The following MACROD2 variants were observed in gnomAD, a reference collection of about 807,000 sequenced individuals.
MACROD2 encodes the protein mono-ADP ribosylhydrolase 2, also known as ADP-ribose glycohydrolase MACROD2.
A neutral mutation model predicts 70.4 loss-of-function variants in MACROD2; 36 were observed. The observed-to-expected ratio is 0.51, with a 90% CI of 0.39 to 0.68. The LOEUF (loss-of-function observed/expected upper bound fraction) is 0.68, where lower values mean the gene tolerates loss of function less well. Among genes scored for constraint, MACROD2 ranks in the 30% least tolerant of loss-of-function variants. MACROD2 has a pLI of 0.00. For missense variants in MACROD2, 496 were observed against 538.4 expected, an observed-to-expected ratio of 0.92 and a Z score of 0.78; for synonymous variants, 172 against 178.8, an observed-to-expected ratio of 0.96 and a Z score of 0.30.
chr20:15,337,219 A>G (rs2078058005), intron 6 of MACROD2, among the ~76,000 whole-genome samples: 1 of 151,792 alleles, frequency 6.6e-6, no homozygotes, highest in South Asian at 2.1e-4. Context: ...TAGAATTTTA[A>G]GAATTTATTG....
At chr20:15,821,133 A>C (rs1197994231) in intron 8 of MACROD2, among the ~76,000 whole-genome samples, 1 of 152,154 alleles carries the variant, frequency 6.6e-6, no homozygotes, top group African/African-American at 2.4e-5. Context: ...AATTTTAATA[A>C]AATTCAGTTC....
In MACROD2 at chr20:14,338,239, C is replaced by T. The variant is rs542774095; in HGVS notation, c.272-155240C>T. Among the ~76,000 whole-genome samples, 16 of 152,170 alleles carry T rather than the reference C, an allele frequency of 1.1e-4. No homozygotes were observed. The East Asian group carries it at 2.1e-3, about 20-fold the overall frequency. On this transcript the variant is annotated intron_variant, in intron 3 of 17. Transcript: ENST00000684519. Reference sequence around the variant, plus strand: ...CAACATGTAGAAAAAATTAGCTGGGCGCCCGTAATCCCAGCTGTTTGGGAG... The same window carrying T: ...CAACATGTAGAAAAAATTAGCTGGGTGCCCGTAATCCCAGCTGTTTGGGAG...
At position 15,458,639 on chromosome 20, in the gene MACROD2, TA is replaced by T. The variant is rs71340228; in HGVS notation, c.571+27216del. ...TTTTTGTTTTTTTGTTTTTTTTTTT[TA>T]AAAAAAAAAAAGATTGTGCCATTTA... On this transcript the variant is annotated intron_variant, in intron 7 of 17. Transcript: ENST00000684519. 8.6e-3 allele frequency among the ~76,000 whole-genome samples: 1,000 copies of T among 116,938 alleles called. 15 individuals are homozygous for T. The highest frequency in any genetic ancestry group is 0.029 in the African/African-American group (884 of 30,526). 76.7% of individuals were successfully genotyped at this position (116,938 alleles called of 152,430 possible). A position where few individuals can be genotyped will look rare whatever the true frequency, so the allele number is the denominator to read the frequency against.
At chr20:15,981,727 T>C (rs377654831) in intron 13 of MACROD2, among the ~76,000 whole-genome samples, 9 of 152,302 alleles carry the variant, frequency 5.9e-5, no homozygotes, top group Middle Eastern at 3.4e-3. Context: ...TATTAGGCTG[T>C]TTATGCTAGG....
Position 14,536,199 on chromosome 20 carries a change from C to T in MACROD2, c.301+42691C>T, listed in dbSNP as rs901555534. Reference sequence around the variant, plus strand: ...TATATATATGCACAACGTTGACTTCCAGTGATCTCCATTTAATATAAAATA... The same window carrying T: ...TATATATATGCACAACGTTGACTTCTAGTGATCTCCATTTAATATAAAATA... On this transcript the variant is annotated intron_variant, in intron 4 of 17. Transcript: ENST00000684519. Among the ~76,000 whole-genome samples the T allele has an allele frequency of 3.3e-5, 5 of 152,064 alleles. No homozygotes were observed. The East Asian group carries it at 9.6e-4, about 29-fold the overall frequency.
chr20:15,431,050 A>G (rs988317554), intron 6 of MACROD2, among the ~76,000 whole-genome samples: 7 of 152,040 alleles, frequency 4.6e-5, no homozygotes, highest in African/African-American at 1.7e-4. Context: ...TAATAGTCAA[A>G]TGTGCAAAGT....
intron 2 of MACROD2, among the ~76,000 whole-genome samples, chr20:14,004,014 C>T (rs1036087450): frequency 5.3e-5 from 8 of 152,082 alleles, no homozygotes; most frequent in Admixed American, 3.3e-4. Context: ...GGCTACAGGT[C>T]GAGTATCCCT....
At chr20:14,774,565 G>C (rs1051303084) in intron 5 of MACROD2, among the ~76,000 whole-genome samples, 3 of 152,160 alleles carry the variant, frequency 2.0e-5, no homozygotes. Flanking sequence ...AGTTATTTGA[G>C]AGGACACATA....
chr20:15,447,502 G>T (rs2046584773), intron 7 of MACROD2, among the ~76,000 whole-genome samples: 1 of 152,146 alleles, frequency 6.6e-6, no homozygotes, highest in South Asian at 2.1e-4. Flanking sequence ...GGGAAGATGG[G>T]GTTCCCTTAT....
chr20:14,417,801 C>T (rs1333210346), intron 3 of MACROD2, among the ~76,000 whole-genome samples: 1 of 152,118 alleles, frequency 6.6e-6, no homozygotes, highest in African/African-American at 2.4e-5. Flanking sequence ...AAGACTTGTC[C>T]ATCATAGTCA....
chr20:14,980,944 G>A (rs1167637782), intron 5 of MACROD2, among the ~76,000 whole-genome samples: 1 of 152,060 alleles, frequency 6.6e-6, no homozygotes, highest in African/African-American at 2.4e-5. Flanking sequence ...AAGCCTCCCA[G>A]TAGGCCCCTC....
intron 6 of MACROD2, among the ~76,000 whole-genome samples, chr20:15,414,728 C>T (rs1490238135): frequency 1.3e-5 from 2 of 152,190 alleles, no homozygotes; most frequent in Non-Finnish European, 2.9e-5. Context: ...TAATGCCCTA[C>T]TCCTTGCCTT....
chr20:14,917,735 A>T (rs2074110261), intron 5 of MACROD2, among the ~76,000 whole-genome samples: 1 of 152,016 alleles, frequency 6.6e-6, no homozygotes, highest in Non-Finnish European at 1.5e-5. Context: ...TTCAAGAAAG[A>T]CTGGTCAATT....
At chr20:15,960,218 G>A (rs1322758873) in intron 12 of MACROD2, among the ~76,000 whole-genome samples, 1 of 152,190 alleles carries the variant, frequency 6.6e-6, no homozygotes, top group African/African-American at 2.4e-5. Flanking sequence ...AGCAAGAGGT[G>A]TCTGCTTAGG....
At chr20:14,730,877 GA>G (rs2071587672) in intron 5 of MACROD2, among the ~76,000 whole-genome samples, 1 of 151,902 alleles carries the variant, frequency 6.6e-6, no homozygotes, top group African/African-American at 2.4e-5. Flanking sequence ...TTCCAGAGGT[GA>G]ATTCAGATTA....
At chr20:14,569,369 C>A (rs963215428) in intron 4 of MACROD2, among the ~76,000 whole-genome samples, 1 of 151,914 alleles carries the variant, frequency 6.6e-6, no homozygotes, top group Non-Finnish European at 1.5e-5. Context: ...ATTGCTTTCA[C>A]AAATACATTG....
chr20:14,543,236 A>G (rs977100148), intron 4 of MACROD2, among the ~76,000 whole-genome samples: 12 of 152,188 alleles, frequency 7.9e-5, no homozygotes, highest in Non-Finnish European at 1.6e-4. Context: ...GGTAGTGTAT[A>G]CAGAGTGGAC....
At chr20:14,862,632 T>TATATATATAAATATAA (rs1568841430) in intron 5 of MACROD2, among the ~76,000 whole-genome samples, 770 of 7,236 alleles carry the variant, frequency 0.11, 137 homozygotes, top group South Asian at 0.31. Flanking sequence ...TATATATAAA[T>TATATATATAAATATAA]ATATATATAA....
intron 4 of MACROD2, among the ~76,000 whole-genome samples, chr20:14,600,343 TACACACACACACACACACACACAA>T (rs1982412038): frequency 1.0e-4 from 13 of 130,146 alleles, no homozygotes; most frequent in South Asian, 5.1e-4. Flanking sequence ...TATATATATA[TACACACACACACACACACACACAA>T]ATATATATAC....
Sources: gnomAD v4.1 joint callset for allele counts (sites outside exome capture counted in the v4.1 genomes callset) on GRCh38, gnomAD v4.1.1 for gene constraint, MANE v1.5 for transcripts, NCBI Gene and HGNC (gene_info 2026-07-23, HGNC 2026-07-21) for gene names.